The following TMC6 variants were observed in gnomAD, a reference collection of about 807,000 sequenced individuals.
The protein encoded by TMC6 is transmembrane channel-like protein 6.
Under a neutral mutation model 95.4 loss-of-function variants are expected in TMC6, and 71 were observed. The observed-to-expected ratio is 0.74, with a 90% CI of 0.61 to 0.91. The LOEUF (loss-of-function observed/expected upper bound fraction) is 0.91. TMC6 is among the 40% of genes least tolerant of loss of function. The probability of loss-of-function intolerance (pLI) is 0.00; values close to 1 mark genes in which losing one functional copy is unlikely to be tolerated. For synonymous variants in TMC6, 514 were observed against 483.1 expected, an observed-to-expected ratio of 1.06 and a Z score of -0.84; for missense variants, 1,074 against 1,079.1, an observed-to-expected ratio of 1.00 and a Z score of 0.07.
At chr17:78,125,415 G>T in intron 5 of TMC6, 152 bp from the exon 6 acceptor site, 1 of 813,720 alleles carries the variant, frequency 1.2e-6, no homozygotes, top group Non-Finnish European at 2.0e-6. Flanking sequence ...TCAGCCGTGT[G>T]TTTGCTTCAG....
chr17:78,113,719 G>A, intron 18 of TMC6, 95 bp from the exon 19 acceptor site: 1 of 1,303,776 alleles, frequency 7.7e-7, no homozygotes, highest in Non-Finnish European at 1.1e-6. Context: ...AAACTCACGA[G>A]GTGTATTCAA....
intron 9 of TMC6, among the ~76,000 whole-genome samples, chr17:78,123,680 G>A (rs1190500266): frequency 6.9e-6 from 1 of 145,448 alleles, no homozygotes. Flanking sequence ...ATGGGTGGGT[G>A]AATTGAGTGG....
rs374714724 is a variant in TMC6 at position 78,109,418 on chromosome 17, G to C, written c.*3730C>G. ...TTAGCTCTGCATATCAGTGCTTCTC[G>C]GCGGAGCTGTGGCTGATGGGCTCCT... On this transcript the variant is annotated 3_prime_UTR_variant, in exon 20 of 20. Transcript: ENST00000590602. 4.4e-6 allele frequency: 2 copies of C among 456,336 alleles called. No homozygotes were observed. The highest frequency in any genetic ancestry group is 2.0e-5 in the African/African-American group (1 of 50,032). The allele number at this position is 456,336 out of a possible 1,614,324, so 28.3% of individuals were successfully genotyped here. A position where few individuals can be genotyped will look rare whatever the true frequency, so the allele number is the denominator to read the frequency against.
intron 9 of TMC6, among the ~76,000 whole-genome samples, chr17:78,123,696 TG>T (rs950028346): frequency 1.5e-4 from 17 of 114,240 alleles, no homozygotes; most frequent in South Asian, 9.3e-4. Flanking sequence ...AGTGGGTGGA[TG>T]GGGGGGTGAA....
At position 78,125,875 on chromosome 17, in the gene TMC6, C is replaced by T. The variant is rs199813788; in HGVS notation, c.281G>A (p.Arg94Gln). 1.2e-5 allele frequency: 18 copies of T among 1,550,666 alleles called. No homozygotes were observed. Among genetic ancestry groups the T allele is most frequent in the Admixed American group, 9.8e-5 (5 of 51,024 alleles). The change falls in exon 5 of 20, where the codon CGA (arginine) becomes CAA (glutamine). Residue 94 changes from arginine to glutamine, a missense_variant. Coordinates refer to ENST00000590602, the MANE Select transcript of TMC6 (RefSeq NM_001127198.5). Reference protein sequence around the residue: ...SMPSRTIGRSRGAIISQYYNR... With the variant: ...SMPSRTIGRSQGAIISQYYNR... Reference sequence around the variant, plus strand: ...GTAGTACTGGGAGATGATGGCACCTCGGCTGCGGCCTATGGAGGCAGCTGG... The same window carrying T: ...GTAGTACTGGGAGATGATGGCACCTTGGCTGCGGCCTATGGAGGCAGCTGG...
Position 78,126,838 on chromosome 17 carries a change from T to C in TMC6, c.-6A>G. 9 of 1,612,090 alleles carry C rather than the reference T, an allele frequency of 5.6e-6. No homozygotes were observed. The highest frequency in any genetic ancestry group is 7.6e-6 in the Non-Finnish European group (9 of 1,179,850). ...AAGGCCAGTGGCTGGGCCATGTCTC[T>C]GGCCAATGCCCGCTAGTCTGCAGAC... On this transcript the variant is annotated 5_prime_UTR_variant, in exon 2 of 20. Transcript: ENST00000590602.
chr17:78,122,754 G>A lies in TMC6; in HGVS notation c.1083-5C>T, dbSNP rs746434745. ...TCCCCGAAAGAGTGAGCCATGCTGG[G>A]GAGAAGCAGACACAGACATGGCAAC... On this transcript the variant is annotated splice_region_variant and splice_polypyrimidine_tract_variant and intron_variant, in intron 9 of 19. Transcript: ENST00000590602. The surrounding 1 kb of genome is among the most constrained non-coding windows in gnomAD (Gnocchi z 4.9). 4 of 1,608,494 alleles carry A rather than the reference G, an allele frequency of 2.5e-6. No homozygotes were observed. Among genetic ancestry groups the A allele is most frequent in the South Asian group, 1.1e-5 (1 of 90,584 alleles).
At position 78,112,336 on chromosome 17, in the gene TMC6, G is replaced by C. The variant is rs532657361; in HGVS notation, c.*812C>G. The stretch of plus-strand genomic sequence containing the variant: ...CTGGTCCCTGCAGACCTGGAGCACG[G>C]GGTCATGACGGGCTGGTCCCCGAAT... On this transcript the variant is annotated 3_prime_UTR_variant, in exon 20 of 20. Transcript: ENST00000590602. 5.1e-6 allele frequency: 1 copy of C among 195,916 alleles called. No individual in the cohort carries two copies. Among genetic ancestry groups the C allele is most frequent in the Non-Finnish European group, 1.1e-5 (1 of 93,024 alleles). The allele number at this position is 195,916 out of a possible 1,614,324, so 12.1% of individuals were successfully genotyped here.
chr17:78,127,029 CT>C (rs1308036764), intron 1 of TMC6, 123 bp from the exon 2 acceptor site: 14 of 664,538 alleles, frequency 2.1e-5, no homozygotes, highest in Middle Eastern at 8.0e-4. Context: ...GCCCACCCCC[CT>C]ATCACCCCAG....
chr17:78,113,787 G>A, intron 18 of TMC6, 163 bp from the exon 19 acceptor site: 2 of 735,752 alleles, frequency 2.7e-6, no homozygotes, highest in East Asian at 2.7e-5. Context: ...ACAAGGACAA[G>A]GAAAAACCAA....
chr17:78,116,276 CT>C (rs34774395), intron 18 of TMC6, among the ~76,000 whole-genome samples: 1,987 of 125,368 alleles, frequency 0.016, 33 homozygotes, highest in African/African-American at 0.046. Context: ...CATGCCCAGG[CT>C]TTTTTTTTTT....
intron 3 of TMC6, 30 bp from the exon 4 acceptor site, chr17:78,126,396 C>G: frequency 6.2e-7 from 1 of 1,601,116 alleles, no homozygotes; most frequent in Non-Finnish European, 8.5e-7. Context: ...CACCAGGGGT[C>G]CTGGAGATGC....
At chr17:78,126,935 G>A (rs1257740808) in intron 1 of TMC6, 29 bp from the exon 2 acceptor site, 11 of 1,410,000 alleles carry the variant, frequency 7.8e-6, no homozygotes, top group Non-Finnish European at 1.1e-5. Flanking sequence ...AGAGCCAGGG[G>A]TGGTCTTCAA....
chr17:78,126,019 C>T, intron 4 of TMC6, 135 bp from the exon 5 acceptor site: 1 of 1,312,376 alleles, frequency 7.6e-7, no homozygotes, highest in Non-Finnish European at 1.0e-6. Flanking sequence ...AGACTTCAGG[C>T]ACCACTGCAT....
intron 15 of TMC6, 176 bp from the exon 16 acceptor site, chr17:78,118,111 A>G (rs2074225582): frequency 8.6e-7 from 1 of 1,161,956 alleles, no homozygotes; most frequent in Admixed American, 2.7e-5. Flanking sequence ...GGTCACTTGC[A>G]CGCAAACGGG....
chr17:78,124,271 G>A (rs2074582389), intron 8 of TMC6, 92 bp from the exon 9 acceptor site: 1 of 1,524,268 alleles, frequency 6.6e-7, no homozygotes, highest in African/African-American at 1.4e-5. Context: ...GCAGGAGGAG[G>A]CCAGGCAGGG....
Position 78,122,492 on chromosome 17 carries a change from G to T in TMC6, c.1227+113C>A. ...GCCCAGCGCCCCGAGTTCAGCTCACGGACAGCTGGCCCTCCCTCTAGACCA... is the reference window on the plus strand; with the variant it reads ...GCCCAGCGCCCCGAGTTCAGCTCACTGACAGCTGGCCCTCCCTCTAGACCA... On this transcript the variant is annotated intron_variant, in intron 10 of 19. Coordinates refer to ENST00000590602, the MANE Select transcript of TMC6 (RefSeq NM_001127198.5). This position sits in a 1 kb window ranked among gnomAD's most constrained non-coding sequence, Gnocchi z 4.9. 1 of 1,497,356 alleles carries T rather than the reference G, an allele frequency of 6.7e-7. No homozygotes were observed. Among genetic ancestry groups the T allele is most frequent in the South Asian group, 1.2e-5 (1 of 80,524 alleles). 92.8% of individuals were successfully genotyped at this position (1,497,356 alleles called of 1,614,324 possible).
intron 18 of TMC6, among the ~76,000 whole-genome samples, chr17:78,116,738 C>A (rs553946126): frequency 2.0e-5 from 3 of 152,078 alleles, no homozygotes; most frequent in Non-Finnish European, 1.5e-5. Context: ...AAAAAGTAGC[C>A]GGAGTGGCGG....
upstream of TMC6, chr17:78,132,390 C>T: frequency 1.2e-6 from 2 of 1,613,110 alleles, no homozygotes; most frequent in Non-Finnish European, 1.7e-6. Flanking sequence ...GGTCCTACTT[C>T]ACCTTCCTCC....
Sources: gnomAD v4.1 joint callset for allele counts (sites outside exome capture counted in the v4.1 genomes callset) on GRCh38, gnomAD v4.1.1 for gene constraint, Gnocchi (gnomAD v3.1) non-coding constraint, MANE v1.5 for transcripts, NCBI Gene and HGNC (gene_info 2026-07-23, HGNC 2026-07-21) for gene names.